Variants in DPY30 observed in about 807,000 individuals in gnomAD.
DPY30 encodes the protein dpy-30 histone methyltransferase complex regulatory subunit, also known as protein dpy-30 homolog.
In DPY30, 6 loss-of-function variants were observed where a neutral mutation model predicts 16.2. That is an observed-to-expected ratio of 0.37 (90% CI 0.20 to 0.73). The LOEUF (loss-of-function observed/expected upper bound fraction) is 0.73, where lower values mean the gene tolerates loss of function less well. DPY30 is among the 30% of genes least tolerant of loss of function. The pLI is 0.51. For missense variants in DPY30, 73 were observed against 113.1 expected (o/e 0.65, Z 1.61); for synonymous variants, 39 against 38.8 (o/e 1.00, Z -0.02).
intron 2 of DPY30, 44 bp downstream of exon 2, chr2:32,039,377 G>A: frequency 6.2e-7 from 1 of 1,614,050 alleles, no homozygotes; most frequent in Non-Finnish European, 8.5e-7. Flanking sequence ...CTTTCTCGCT[G>A]CCTCCCTGCA....
At chr2:32,027,636 T>A (rs1675381694) in intron 4 of DPY30, among the ~76,000 whole-genome samples, 1 of 148,950 alleles carries the variant, frequency 6.7e-6, no homozygotes, top group East Asian at 2.0e-4. Context: ...CATTTTTTTT[T>A]TTTTTTTTTT....
intron 3 of DPY30, among the ~76,000 whole-genome samples, chr2:32,033,531 G>T (rs2148666652): frequency 6.6e-6 from 1 of 151,978 alleles, no homozygotes; most frequent in South Asian, 2.1e-4. Context: ...AACTAGCCAG[G>T]CGTGGTGGCA....
downstream of DPY30, chr2:32,023,728 G>C (rs1258509327): frequency 7.7e-7 from 1 of 1,304,260 alleles, no homozygotes; most frequent in Non-Finnish European, 1.0e-6. Flanking sequence ...CCTCAGAAAG[G>C]TCCAGAAACA....
downstream of DPY30, among the ~76,000 whole-genome samples, chr2:32,021,280 T>G (rs1675174466): frequency 6.6e-6 from 1 of 150,704 alleles, no homozygotes; most frequent in South Asian, 2.1e-4. Flanking sequence ...AAAAGACATT[T>G]CTATTCTCAG....
chr2:32,025,830 G>A (rs559540172), intron 4 of DPY30, among the ~76,000 whole-genome samples: 8 of 151,430 alleles, frequency 5.3e-5, no homozygotes, highest in South Asian at 4.2e-4. Flanking sequence ...TACTTGGGCC[G>A]GGCACGGTGG....
chr2:32,031,077 A>G (rs1176224074), intron 3 of DPY30, among the ~76,000 whole-genome samples: 1 of 152,188 alleles, frequency 6.6e-6, no homozygotes, highest in African/African-American at 2.4e-5. Context: ...TCAGAGCATT[A>G]AAAAGTAATT....
intron 5 of DPY30, among the ~76,000 whole-genome samples, chr2:32,017,615 CAAA>C (rs59826181): frequency 2.2e-4 from 30 of 134,212 alleles, no homozygotes; most frequent in Non-Finnish European, 2.4e-4. Flanking sequence ...AACACCATCT[CAAA>C]AAAAAAAAAA....
At chr2:32,012,299 T>TA (rs749970810) in intron 5 of DPY30, among the ~76,000 whole-genome samples, 2 of 150,864 alleles carry the variant, frequency 1.3e-5, no homozygotes, top group South Asian at 4.2e-4. Flanking sequence ...CTAATTAGGC[T>TA]AAAATCTCCA....
chr2:32,022,447 A>G (rs534143309), downstream of DPY30, among the ~76,000 whole-genome samples: 1 of 152,304 alleles, frequency 6.6e-6, no homozygotes, highest in South Asian at 2.1e-4. Context: ...TTCTACTAAA[A>G]TAAGTATTTC....
intron 3 of DPY30, among the ~76,000 whole-genome samples, chr2:32,030,857 T>C (rs1675513066): frequency 2.6e-5 from 4 of 152,036 alleles, no homozygotes; most frequent in Admixed American, 2.6e-4. Context: ...AAATACATTA[T>C]GTAAATAATA....
chr2:32,033,200 C>T (rs917635641), intron 3 of DPY30, among the ~76,000 whole-genome samples: 3 of 151,496 alleles, frequency 2.0e-5, no homozygotes, highest in Middle Eastern at 3.2e-3. Flanking sequence ...CCCAGGCACT[C>T]GGGAGGCTGA....
chr2:32,031,410 C>T (rs534081339), intron 3 of DPY30, among the ~76,000 whole-genome samples: 23 of 146,306 alleles, frequency 1.6e-4, no homozygotes, highest in African/African-American at 5.3e-4. Context: ...ACAAAGACTC[C>T]GTCTCAAAAA....
At chr2:32,030,873 A>C (rs1298768262) in intron 3 of DPY30, among the ~76,000 whole-genome samples, 2 of 152,182 alleles carry the variant, frequency 1.3e-5, no homozygotes, top group African/African-American at 4.8e-5. Flanking sequence ...TAATAACCCC[A>C]AAATGAAGAA....
intron 5 of DPY30, among the ~76,000 whole-genome samples, chr2:32,017,976 A>C (rs1157761056): frequency 6.6e-6 from 1 of 152,212 alleles, no homozygotes; most frequent in African/African-American, 2.4e-5. Flanking sequence ...CACAATGTGA[A>C]GACAAAGCTA....
At chr2:32,015,004 GA>G in intron 5 of DPY30, among the ~76,000 whole-genome samples, 1 of 151,732 alleles carries the variant, frequency 6.6e-6, no homozygotes, top group South Asian at 2.1e-4. Flanking sequence ...TGGAAGGATG[GA>G]AAAAGGATTT....
intron 4 of DPY30, among the ~76,000 whole-genome samples, chr2:32,028,994 G>A (rs977392329): frequency 4.6e-5 from 7 of 151,882 alleles, no homozygotes; most frequent in Non-Finnish European, 7.4e-5. Flanking sequence ...ATAATAGGCC[G>A]GGCGCAGTGG....
chr2:32,028,605 A>T (rs1209660361), intron 4 of DPY30, among the ~76,000 whole-genome samples: 1 of 152,136 alleles, frequency 6.6e-6, no homozygotes, highest in East Asian at 1.9e-4. Flanking sequence ...GATCGAGATC[A>T]TTCTGGCCAA....
intron 3 of DPY30, among the ~76,000 whole-genome samples, chr2:32,032,612 T>C (rs1175532111): frequency 1.3e-5 from 2 of 152,142 alleles, no homozygotes; most frequent in Admixed American, 6.6e-5. Context: ...GTAATCCCAG[T>C]ACTTTGGGAA....
intron 5 of DPY30, among the ~76,000 whole-genome samples, chr2:32,013,981 C>T (rs1675016502): frequency 6.7e-6 from 1 of 149,394 alleles, no homozygotes; most frequent in Non-Finnish European, 1.5e-5. Context: ...GCACTCCAGC[C>T]TAGGTGACAA....
Sources: allele counts gnomAD v4.1 joint callset (sites outside exome capture counted in the v4.1 genomes callset), GRCh38; gene constraint gnomAD v4.1.1; transcripts MANE v1.5; gene names NCBI Gene and HGNC (gene_info 2026-07-23, HGNC 2026-07-21).